The following TENM2 variants were observed in gnomAD, a reference collection of about 807,000 sequenced individuals.
The protein encoded by TENM2 is teneurin transmembrane protein 2, also known as teneurin-2.
A neutral mutation model predicts 245.2 loss-of-function variants in TENM2; 52 were observed. That is an observed-to-expected ratio of 0.21 (90% CI 0.17 to 0.27). The LOEUF is 0.27. Ranked by LOEUF, TENM2 falls within the 10% of genes least tolerant of loss-of-function variation. The pLI, the probability that TENM2 is intolerant of heterozygous loss-of-function variation, is 1.00. For missense variants in TENM2, 3,046 were observed against 3,666.8 expected, an observed-to-expected ratio of 0.83 and a Z score of 4.37; for synonymous variants, 1,363 against 1,438.9, an observed-to-expected ratio of 0.95 and a Z score of 1.19.
chr5:168,216,001 G>A (rs1246940427), intron 21 of TENM2, among the ~76,000 whole-genome samples: 1 of 152,238 alleles, frequency 6.6e-6, no homozygotes, highest in Non-Finnish European at 1.5e-5. Context: ...CCAGGATGGA[G>A]GAGTTCTGGG....
At chr5:167,910,505 A>G (rs1255356704) in intron 3 of TENM2, among the ~76,000 whole-genome samples, 1 of 152,228 alleles carries the variant, frequency 6.6e-6, no homozygotes, top group Non-Finnish European at 1.5e-5. Context: ...AGGAAAAAAG[A>G]AAACAAAAAA....
chr5:167,002,345 C>A, the TENM2 span, among the ~76,000 whole-genome samples: 6 of 152,122 alleles, frequency 3.9e-5, no homozygotes, highest in African/African-American at 7.2e-5. Flanking sequence ...TTAAAAGTTT[C>A]ATCTTGGTTG....
At chr5:167,213,768 G>A in the TENM2 span, among the ~76,000 whole-genome samples, 1 of 152,124 alleles carries the variant, frequency 6.6e-6, no homozygotes. Context: ...AAACAAATAT[G>A]TGCTACTAAT....
chr5:168,163,650 A>G (rs1262965705), intron 13 of TENM2, among the ~76,000 whole-genome samples: 8 of 152,210 alleles, frequency 5.3e-5, no homozygotes, highest in African/African-American at 1.9e-4. Context: ...AACAAGATGC[A>G]GACACACTGG....
chr5:166,979,373 C>T, the TENM2 span, among the ~76,000 whole-genome samples: 104 of 152,000 alleles, frequency 6.8e-4, no homozygotes, highest in African/African-American at 2.4e-3. Context: ...TTTTTTTTCC[C>T]CTTCTTTCCC....
chr5:167,177,618 A>G, the TENM2 span, among the ~76,000 whole-genome samples: 1 of 152,168 alleles, frequency 6.6e-6, no homozygotes, highest in African/African-American at 2.4e-5. Flanking sequence ...GGGTGTCAAG[A>G]CTCAGAGAAA....
intron 2 of TENM2, among the ~76,000 whole-genome samples, chr5:167,717,093 T>C (rs1759323314): frequency 1.3e-5 from 2 of 152,006 alleles, no homozygotes; most frequent in Non-Finnish European, 1.5e-5. Flanking sequence ...TAGCTGGGAC[T>C]ACAGGCACAC....
At chr5:167,901,812 T>C (rs1183884129) in intron 3 of TENM2, among the ~76,000 whole-genome samples, 1 of 152,224 alleles carries the variant, frequency 6.6e-6, no homozygotes, top group Admixed American at 6.5e-5. Context: ...TTTTGTTATG[T>C]AAAATACTAA....
In TENM2 at chr5:167,398,377, C is replaced by CCTTTCTTTCTTT. The variant is rs33991275; in HGVS notation, c.502+22931_502+22942dup. Among the ~76,000 whole-genome samples the CCTTTCTTTCTTT allele has an allele frequency of 3.8e-3, 522 of 137,130 alleles. 2 individuals carry two copies. Among genetic ancestry groups the CCTTTCTTTCTTT allele is most frequent in the Middle Eastern group, 0.011 (3 of 262 alleles). The allele number at this position is 137,130 out of a possible 152,430, so 90.0% of individuals were successfully genotyped here. Reference sequence around the variant, plus strand: ...TCTTTCTTTCTTTCCTTTCTTTCTTCCTTTCTTTCTTTCTTTCTTTCTTTC... The same window carrying CCTTTCTTTCTTT: ...TCTTTCTTTCTTTCCTTTCTTTCTTCCTTTCTTTCTTTCTTTCTTTCTTTCTTTCTTTCTTTC... On this transcript the variant is annotated intron_variant, in intron 2 of 28. Transcript: ENST00000518659.
chr5:167,617,738 C>T (rs1777880818), intron 2 of TENM2, among the ~76,000 whole-genome samples: 1 of 152,094 alleles, frequency 6.6e-6, no homozygotes, highest in East Asian at 1.9e-4. Flanking sequence ...TCTTCACGGG[C>T]ATTTAACTGG....
intron 2 of TENM2, among the ~76,000 whole-genome samples, chr5:167,663,165 AGAGAGAGAGAGAG>A (rs1755337290): frequency 6.6e-6 from 1 of 150,736 alleles, no homozygotes; most frequent in African/African-American, 2.4e-5. Flanking sequence ...AGAGAGAGAG[AGAGAGAGAGAGAG>A]AGAGAGAGAA....
intron 3 of TENM2, among the ~76,000 whole-genome samples, chr5:167,881,783 C>G (rs888967987): frequency 1.3e-5 from 2 of 152,182 alleles, no homozygotes; most frequent in African/African-American, 4.8e-5. Flanking sequence ...GTGGAGGTCA[C>G]AGAAACAGCC....
chr5:167,629,225 A>G (rs777003797), intron 2 of TENM2, among the ~76,000 whole-genome samples: 2 of 152,220 alleles, frequency 1.3e-5, no homozygotes, highest in African/African-American at 2.4e-5. Flanking sequence ...ACCTAGGTTC[A>G]AATCCTGGTT....
intron 2 of TENM2, among the ~76,000 whole-genome samples, chr5:167,685,006 C>G (rs1400799176): frequency 6.6e-6 from 1 of 152,142 alleles, no homozygotes; most frequent in African/African-American, 2.4e-5. Context: ...CTCAGTGCTG[C>G]CTTGGTGGCT....
intron 5 of TENM2, among the ~76,000 whole-genome samples, chr5:168,031,265 T>C (rs2151953302): frequency 6.6e-6 from 1 of 152,354 alleles, no homozygotes; most frequent in East Asian, 1.9e-4. Flanking sequence ...ATAACCTCTT[T>C]TGTAAAATGA....
rs993542034 is a variant in TENM2, at chr5:167,448,488, C to T, written c.502+73015C>T. ...AACGGATGCATTTTAAGATTTGGAT[C>T]GGTTTTTGAAAAAAAAGTATCTTGC... On this transcript the variant is annotated intron_variant, in intron 2 of 28. Transcript: ENST00000518659. Among the ~76,000 whole-genome samples, 12 of 146,594 alleles carry T rather than the reference C, an allele frequency of 8.2e-5. No homozygotes were observed. The East Asian group carries it at 2.0e-3, about 24-fold the overall frequency.
chr5:167,397,107 C>G (rs1762096950), intron 2 of TENM2, among the ~76,000 whole-genome samples: 1 of 152,098 alleles, frequency 6.6e-6, no homozygotes, highest in Non-Finnish European at 1.5e-5. Context: ...GAAACATTTT[C>G]TAACACACTG....
chr5:167,764,683 C>G (rs1279501496), intron 2 of TENM2, among the ~76,000 whole-genome samples: 2 of 152,246 alleles, frequency 1.3e-5, no homozygotes, highest in South Asian at 2.1e-4. Flanking sequence ...AGGATTGACT[C>G]TTTACTGTCC....
intron 2 of TENM2, among the ~76,000 whole-genome samples, chr5:167,592,327 T>A (rs893784363): frequency 3.9e-5 from 6 of 152,172 alleles, no homozygotes; most frequent in African/African-American, 1.4e-4. Flanking sequence ...CTCTGTTTTA[T>A]CCTCCTGGAA....
Sources: gnomAD v4.1 joint callset for allele counts (sites outside exome capture counted in the v4.1 genomes callset) on GRCh38, gnomAD v4.1.1 for gene constraint, MANE v1.5 for transcripts, NCBI Gene and HGNC (gene_info 2026-07-23, HGNC 2026-07-21) for gene names.